UNC79: variants seen among roughly 807,000 people sequenced by gnomAD.
The protein encoded by UNC79 is protein unc-79 homolog.
Under a neutral mutation model 283.1 loss-of-function variants are expected in UNC79, and 37 were observed. The ratio of observed to expected loss-of-function variants is 0.13; its 90% confidence interval spans 0.10 to 0.17. The LOEUF (loss-of-function observed/expected upper bound fraction) is 0.17, where lower values mean the gene tolerates loss of function less well. Among genes scored for constraint, UNC79 ranks in the 10% least tolerant of loss-of-function variants. UNC79 has a pLI of 1.00. For synonymous variants in UNC79, 1,107 were observed against 1,200.2 expected (o/e 0.92, Z 1.61); for missense variants, 2,272 against 3,211.1 (o/e 0.71, Z 7.07).
chr14:93,365,051 A>G (rs67803909), intron 1 of UNC79, among the ~76,000 whole-genome samples: 18,372 of 151,962 alleles, frequency 0.12, 1,442 homozygotes, highest in African/African-American at 0.21. Context: ...TGGGCAACAT[A>G]GGGAGACCCT....
chr14:93,571,963 T>A, exon 15 of UNC79: 1 of 1,614,242 alleles, frequency 6.2e-7, no homozygotes, highest in Non-Finnish European at 8.5e-7. Flanking sequence ...CCGAATCCTC[T>A]GCCTGATCCC....
At chr14:93,398,683 G>T (rs1295682605) in intron 1 of UNC79, among the ~76,000 whole-genome samples, 1 of 152,120 alleles carries the variant, frequency 6.6e-6, no homozygotes, top group Non-Finnish European at 1.5e-5. Flanking sequence ...AGACAGTTTA[G>T]GATTTTCCTG....
chr14:93,637,821 C>T (rs1274075793), intron 32 of UNC79, among the ~76,000 whole-genome samples: 1 of 152,192 alleles, frequency 6.6e-6, no homozygotes, highest in African/African-American at 2.4e-5. Flanking sequence ...ATTCCTAGGT[C>T]CTTCAGCATT....
intron 22 of UNC79, among the ~76,000 whole-genome samples, chr14:93,589,786 G>T (rs1431830193): frequency 6.6e-6 from 1 of 152,172 alleles, no homozygotes; most frequent in Non-Finnish European, 1.5e-5. Context: ...CTTAAGGCCA[G>T]GCACAGTGGC....
chr14:93,630,718 A>C, intron 30 of UNC79, 83 bp from the exon 33 acceptor site: 2 of 1,051,376 alleles, frequency 1.9e-6, no homozygotes, highest in Non-Finnish European at 2.9e-6. Context: ...GTTGTAGTAG[A>C]CAAGAGGTAA....
At chr14:93,634,867 C>A (rs927819154) in intron 31 of UNC79, among the ~76,000 whole-genome samples, 1 of 152,156 alleles carries the variant, frequency 6.6e-6, no homozygotes, top group Admixed American at 6.5e-5. Context: ...CTCTAAGACC[C>A]AGATTCCAGA....
chr14:93,448,171 CTTTTTTTTT>C (rs57584416), intron 1 of UNC79, among the ~76,000 whole-genome samples: 1 of 131,118 alleles, frequency 7.6e-6, no homozygotes, highest in Non-Finnish European at 1.7e-5. Context: ...AGACTCGGTT[CTTTTTTTTT>C]TTTTTTTTAA....
At chr14:93,635,144 A>C (rs969420492) in intron 31 of UNC79, among the ~76,000 whole-genome samples, 1 of 152,190 alleles carries the variant, frequency 6.6e-6, no homozygotes, top group Non-Finnish European at 1.5e-5. Flanking sequence ...CATGCTCATA[A>C]GATGGAACTG....
intron 4 of UNC79, among the ~76,000 whole-genome samples, chr14:93,481,811 T>G (rs926710479): frequency 2.0e-5 from 3 of 152,244 alleles, no homozygotes; most frequent in Admixed American, 6.5e-5. Flanking sequence ...ATATGCAGTC[T>G]GTTTTATTAG....
intron 12 of UNC79, among the ~76,000 whole-genome samples, chr14:93,539,629 T>C (rs982582054): frequency 9.2e-5 from 14 of 152,118 alleles, no homozygotes; most frequent in African/African-American, 3.4e-4. Flanking sequence ...GTAGTAGAAA[T>C]ACAATTAATG....
chr14:93,544,088 T>C (rs2061494556), intron 14 of UNC79, among the ~76,000 whole-genome samples: 1 of 152,234 alleles, frequency 6.6e-6, no homozygotes, highest in Non-Finnish European at 1.5e-5. Context: ...AGTGAAGGAT[T>C]GATGTGACAT....
At chr14:93,568,730 A>G (rs1280645737) in intron 14 of UNC79, among the ~76,000 whole-genome samples, 3 of 152,098 alleles carry the variant, frequency 2.0e-5, no homozygotes, top group African/African-American at 7.2e-5. Context: ...AAAACTTACT[A>G]GTTTATATAA....
At chr14:93,530,053 G>T (rs2060733643) in intron 10 of UNC79, among the ~76,000 whole-genome samples, 1 of 152,110 alleles carries the variant, frequency 6.6e-6, no homozygotes, top group Admixed American at 6.6e-5. Context: ...GTAGAGATCG[G>T]GGCACAGGAA....
intron 40 of UNC79, among the ~76,000 whole-genome samples, chr14:93,667,439 T>C (rs1036284218): frequency 2.2e-5 from 3 of 138,118 alleles, no homozygotes; most frequent in African/African-American, 7.8e-5. Flanking sequence ...GCCAGTAAAT[T>C]TGAAATCTTT....
intron 7 of UNC79, among the ~76,000 whole-genome samples, chr14:93,503,822 A>T (rs1436033341): frequency 6.6e-6 from 1 of 151,938 alleles, no homozygotes; most frequent in East Asian, 1.9e-4. Context: ...TTGTCTTCAT[A>T]TTTAATCCTT....
Position 93,474,408 on chromosome 14 carries a change from G to T in UNC79, c.448+15G>T. ...CGGCCAACACGGTGAGCACTTAGCT[G>T]AAACCTTTGGAAATGTACGTGGATG... On this transcript the variant is annotated intron_variant, in intron 3 of 48. Transcript: ENST00000555664. This position sits in a 1 kb window ranked among gnomAD's most constrained non-coding sequence, Gnocchi z 4.1. 1 of 1,527,868 alleles carries T rather than the reference G, an allele frequency of 6.5e-7. No individual in the cohort carries two copies. The highest frequency in any genetic ancestry group is 1.2e-5 in the South Asian group (1 of 83,258). The allele number at this position is 1,527,868 out of a possible 1,614,324, so 94.6% of individuals were successfully genotyped here.
At chr14:93,542,324 G>C (rs949907778) in intron 13 of UNC79, 142 bp from the exon 14 acceptor site, 1 of 788,278 alleles carries the variant, frequency 1.3e-6, no homozygotes, top group Admixed American at 2.8e-5. Flanking sequence ...CTGGATAAGC[G>C]ATCCCCATTT....
At chr14:93,369,541 C>T (rs1403197131) in intron 1 of UNC79, among the ~76,000 whole-genome samples, 2 of 152,154 alleles carry the variant, frequency 1.3e-5, no homozygotes, top group Admixed American at 6.5e-5. Flanking sequence ...CAGACACTGC[C>T]GTGGGAACAA....
At chr14:93,461,575 T>G (rs1320228132) in intron 1 of UNC79, among the ~76,000 whole-genome samples, 1 of 152,196 alleles carries the variant, frequency 6.6e-6, no homozygotes, top group Non-Finnish European at 1.5e-5. Flanking sequence ...GTTGAACTGC[T>G]GTAAAAAGCC....
Sources: allele counts gnomAD v4.1 joint callset (sites outside exome capture counted in the v4.1 genomes callset), GRCh38; gene constraint gnomAD v4.1.1; non-coding constraint Gnocchi (gnomAD v3.1); transcripts MANE v1.5; gene names NCBI Gene and HGNC (gene_info 2026-07-23, HGNC 2026-07-21).